The following SEC23A variants were observed in gnomAD, a reference collection of about 807,000 sequenced individuals.
SEC23A encodes the protein SEC23 homolog A, COPII component, also known as protein transport protein Sec23A.
In SEC23A, 56 loss-of-function variants were observed where a neutral mutation model predicts 103.7. The observed-to-expected ratio is 0.54, with a 90% CI of 0.44 to 0.67. The LOEUF (loss-of-function observed/expected upper bound fraction) is 0.67, where lower values mean the gene tolerates loss of function less well. SEC23A is among the 30% of genes least tolerant of loss of function. The pLI, the probability that SEC23A is intolerant of heterozygous loss-of-function variation, is 0.00. For missense variants in SEC23A, 784 were observed against 936.4 expected (o/e 0.84, Z 2.12); for synonymous variants, 281 against 293.0 (o/e 0.96, Z 0.42).
rs149995998 is a variant in SEC23A at position 39,046,740 on chromosome 14, T to C, written c.1738-1416A>G. 3.3e-3 allele frequency among the ~76,000 whole-genome samples: 506 copies of C among 152,300 alleles called. 4 individuals are homozygous for C. Among genetic ancestry groups the C allele is most frequent in the African/African-American group, 0.011 (471 of 41,556 alleles). On this transcript the variant is annotated intron_variant, in intron 15 of 19. Coordinates refer to ENST00000307712, the MANE Select transcript of SEC23A (RefSeq NM_006364.4). ...CCTTCCCTTCCACCTACTCCTCACA[T>C]GAAAGAAATCAAAAAGAGGGAGAGT...
At chr14:39,063,019 T>C (rs1159233825) in intron 12 of SEC23A, among the ~76,000 whole-genome samples, 2 of 152,128 alleles carry the variant, frequency 1.3e-5, no homozygotes, top group South Asian at 2.1e-4. Context: ...GAAGGGAATT[T>C]TAAATAACTG....
chr14:39,096,185 G>A, intron 1 of SEC23A, 46 bp from the exon 2 acceptor site: 3 of 1,255,028 alleles, frequency 2.4e-6, no homozygotes, highest in Non-Finnish European at 3.5e-6. Flanking sequence ...ATCCTCTTAA[G>A]AACGTTCAAA....
intron 15 of SEC23A, 76 bp from the exon 16 acceptor site, chr14:39,045,400 TG>T: frequency 9.3e-7 from 1 of 1,079,242 alleles, no homozygotes; most frequent in Non-Finnish European, 1.4e-6. Context: ...CAAAAATATT[TG>T]ATTACAAACT....
Position 39,095,846 on chromosome 14 carries a change from C to T in SEC23A, c.221+52G>A, listed in dbSNP as rs3765499. On this transcript the variant is annotated intron_variant, in intron 2 of 19. Transcript: ENST00000307712. ...TTTATAAAAATATGCAGAAAAACCC[C>T]GACATTTTAAAATCACATTGCCACA... 192 of 1,373,372 alleles carry T rather than the reference C, an allele frequency of 1.4e-4. No homozygotes were observed. In the East Asian group the frequency reaches 4.0e-3, roughly 28 times the overall value. The allele number at this position is 1,373,372 out of a possible 1,614,324, so 85.1% of individuals were successfully genotyped here.
At chr14:39,075,090 G>C (rs1363780072) in intron 8 of SEC23A, among the ~76,000 whole-genome samples, 8 of 152,122 alleles carry the variant, frequency 5.3e-5, no homozygotes, top group Admixed American at 5.2e-4. Flanking sequence ...CTGGGCAACA[G>C]AGCGAGACTT....
At chr14:39,066,906 A>T (rs1406292814) in intron 10 of SEC23A, among the ~76,000 whole-genome samples, 2 of 152,146 alleles carry the variant, frequency 1.3e-5, no homozygotes, top group African/African-American at 2.4e-5. Flanking sequence ...TAAGCCCTAT[A>T]TAAAGAAAAA....
At position 39,077,683 on chromosome 14, in the gene SEC23A, TAAGAG is replaced by T. The variant is rs992982003; in HGVS notation, c.829-1595_829-1591del. Among the ~76,000 whole-genome samples the T allele has an allele frequency of 3.0e-4, 46 of 152,132 alleles. 1 individual carries two copies. Among genetic ancestry groups the T allele is most frequent in the African/African-American group, 1.1e-3 (46 of 41,504 alleles). On this transcript the variant is annotated intron_variant, in intron 7 of 19. Transcript: ENST00000307712. Reference sequence around the variant, plus strand: ...CCTTCCTCACAAGATGTCAATGAAATAAGAGAAAAGTTGTTTTAGGTGGATCACTT... The same window carrying T: ...CCTTCCTCACAAGATGTCAATGAAATAAAAGTTGTTTTAGGTGGATCACTT...
chr14:39,042,664 T>A, intron 17 of SEC23A, 122 bp downstream of exon 17: 1 of 673,040 alleles, frequency 1.5e-6, no homozygotes. Flanking sequence ...TTTTATTATT[T>A]TATAAAAATG....
chr14:39,087,801 T>C (rs1029417129), intron 5 of SEC23A: 2 of 152,190 alleles, frequency 1.3e-5, no homozygotes, highest in Non-Finnish European at 2.9e-5. Context: ...AGCAACTCTT[T>C]ACTAAGAACT....
In SEC23A at chr14:39,053,165, T is replaced by C. The variant is rs79565581; in HGVS notation, c.1659+1978A>G. Among the ~76,000 whole-genome samples, 723 of 152,146 alleles carry C rather than the reference T, an allele frequency of 4.8e-3. 7 individuals are homozygous for C. Among genetic ancestry groups the C allele is most frequent in the African/African-American group, 0.017 (696 of 41,502 alleles). On this transcript the variant is annotated intron_variant, in intron 14 of 19. Transcript: ENST00000307712. ...CAAAAAAAAGATGTAGTCTGAGAAA[T>C]TGAAAAGGTCCCATTTAAAAACAGT...
intron 10 of SEC23A, among the ~76,000 whole-genome samples, chr14:39,065,633 C>T (rs1298806948): frequency 2.6e-5 from 4 of 152,126 alleles, no homozygotes; most frequent in African/African-American, 7.2e-5. Context: ...ACATACAATG[C>T]TGATTCTCAC....
chr14:39,050,517 T>C (rs554032448), intron 14 of SEC23A, among the ~76,000 whole-genome samples: 8 of 152,108 alleles, frequency 5.3e-5, no homozygotes, highest in Non-Finnish European at 1.2e-4. Flanking sequence ...ATTTCCTGAG[T>C]CAAGTCTGAT....
intron 5 of SEC23A, chr14:39,087,813 AAT>A (rs2139279784): frequency 6.6e-6 from 1 of 152,316 alleles, no homozygotes; most frequent in East Asian, 1.9e-4. Flanking sequence ...CTAAGAACTT[AAT>A]ATGTTCCATA....
At chr14:39,092,962 C>T (rs1046150443) in intron 3 of SEC23A, 1 of 487,698 alleles carries the variant, frequency 2.1e-6, no homozygotes, top group East Asian at 3.8e-5. Flanking sequence ...CTCCCGGGTT[C>T]ATGCCATTCT....
intron 7 of SEC23A, among the ~76,000 whole-genome samples, chr14:39,078,945 C>T (rs751208857): frequency 1.3e-5 from 2 of 151,916 alleles, no homozygotes; most frequent in Non-Finnish European, 2.9e-5. Flanking sequence ...CAAAACCAAA[C>T]GTAATTAAAG....
At chr14:39,101,633 AAAAC>A (rs1280308651) in intron 1 of SEC23A, among the ~76,000 whole-genome samples, 1 of 152,004 alleles carries the variant, frequency 6.6e-6, no homozygotes, top group Non-Finnish European at 1.5e-5. Flanking sequence ...AAAAAAAAAA[AAAAC>A]AAAAAAGACT....
At chr14:39,097,358 C>T (rs1887922962) in intron 1 of SEC23A, among the ~76,000 whole-genome samples, 1 of 152,132 alleles carries the variant, frequency 6.6e-6, no homozygotes, top group Non-Finnish European at 1.5e-5. Flanking sequence ...ATGCAGCAGA[C>T]AGGAAGGACG....
At chr14:39,041,960 A>AT (rs1290778111) in intron 17 of SEC23A, among the ~76,000 whole-genome samples, 1 of 152,008 alleles carries the variant, frequency 6.6e-6, no homozygotes, top group Non-Finnish European at 1.5e-5. Context: ...TTTTCTAAAA[A>AT]TTTTTTTGTA....
intron 11 of SEC23A, 63 bp downstream of exon 11, chr14:39,064,850 G>A: frequency 8.5e-7 from 1 of 1,177,596 alleles, no homozygotes; most frequent in Non-Finnish European, 1.3e-6. Context: ...AAGTACCTGG[G>A]ATTACAGGTG....
Sources: allele counts gnomAD v4.1 joint callset (sites outside exome capture counted in the v4.1 genomes callset), GRCh38; gene constraint gnomAD v4.1.1; transcripts MANE v1.5; gene names NCBI Gene and HGNC (gene_info 2026-07-23, HGNC 2026-07-21).